GNAZ: variants seen among roughly 807,000 people sequenced by gnomAD.
GNAZ encodes guanine nucleotide-binding protein G(z) subunit alpha.
Under a neutral mutation model 25.4 loss-of-function variants are expected in GNAZ, and 3 were observed. That is an observed-to-expected ratio of 0.12 (90% CI 0.05 to 0.30). GNAZ has a LOEUF of 0.30. GNAZ is among the 10% of genes least tolerant of loss of function. The pLI, the probability that GNAZ is intolerant of heterozygous loss-of-function variation, is 1.00. For missense variants in GNAZ, 241 were observed against 501.8 expected, an observed-to-expected ratio of 0.48 and a Z score of 4.97; for synonymous variants, 211 against 205.7, an observed-to-expected ratio of 1.03 and a Z score of -0.22.
chr22:23,081,397 G>A (rs896810493), intron 1 of GNAZ, among the ~76,000 whole-genome samples: 1 of 152,196 alleles, frequency 6.6e-6, no homozygotes, highest in African/African-American at 2.4e-5. Flanking sequence ...AAGTACACGT[G>A]TGTCATTTCT....
At chr22:23,103,351 G>A (rs772022245) in intron 2 of GNAZ, among the ~76,000 whole-genome samples, 142 of 152,280 alleles carry the variant, frequency 9.3e-4, no homozygotes, top group Non-Finnish European at 1.7e-3. Flanking sequence ...TGACTCCCAA[G>A]CATGGCGGGG....
chr22:23,072,075 G>GC (rs1158809712), intron 1 of GNAZ, among the ~76,000 whole-genome samples: 32 of 152,156 alleles, frequency 2.1e-4, no homozygotes, highest in Non-Finnish European at 4.3e-4. Context: ...CTGGAGAAGA[G>GC]CTAGCTTTAA....
intron 2 of GNAZ, among the ~76,000 whole-genome samples, chr22:23,115,431 G>A (rs1403086510): frequency 6.6e-6 from 1 of 152,192 alleles, no homozygotes; most frequent in Non-Finnish European, 1.5e-5. Context: ...TTTGGGAAGG[G>A]GTTGGACAAG....
At chr22:23,074,242 G>A (rs2068451433) in intron 1 of GNAZ, among the ~76,000 whole-genome samples, 1 of 152,206 alleles carries the variant, frequency 6.6e-6, no homozygotes. Context: ...AAATAGGCTA[G>A]GGTGGGGTAA....
intron 1 of GNAZ, among the ~76,000 whole-genome samples, chr22:23,072,735 G>T (rs941542013): frequency 6.6e-6 from 1 of 152,230 alleles, no homozygotes; most frequent in Non-Finnish European, 1.5e-5. Context: ...GACCTGGCAT[G>T]TGACTGTGGG....
chr22:23,101,308 C>T (rs2069297427), intron 2 of GNAZ, among the ~76,000 whole-genome samples: 1 of 152,120 alleles, frequency 6.6e-6, no homozygotes, highest in South Asian at 2.1e-4. Flanking sequence ...TCCAGTGGCC[C>T]CCCTCTTCAC....
chr22:23,095,626 G>GT lies in GNAZ; in HGVS notation c.-69dup, dbSNP rs149149990. 0.02 allele frequency: 30,358 copies of GT among 1,517,672 alleles called. 336 individuals are homozygous for GT. Among genetic ancestry groups the GT allele is most frequent in the Non-Finnish European group, 0.023 (26,147 of 1,131,664 alleles). The allele number at this position is 1,517,672 out of a possible 1,614,324, so 94.0% of individuals were successfully genotyped here. On this transcript the variant is annotated 5_prime_UTR_variant, in exon 2 of 3. Transcript: ENST00000615612. The stretch of plus-strand genomic sequence containing the variant: ...CTGGGCTCTTGTCTGCCTGGTCTCA[G>GT]TGTCCCCTGTGGCAAGAGGGAGAGG...
chr22:23,099,591 C>T (rs181668974), intron 2 of GNAZ, among the ~76,000 whole-genome samples: 59 of 152,344 alleles, frequency 3.9e-4, no homozygotes, highest in African/African-American at 1.0e-3. Flanking sequence ...ACACAGCTGG[C>T]GCTGGCGGGC....
At position 23,124,880 on chromosome 22, in the gene GNAZ, C is replaced by G. The variant is rs148043323; in HGVS notation, c.*1449C>G. 343 of 152,920 alleles carry G rather than the reference C, an allele frequency of 2.2e-3. 1 individual carries two copies. The highest frequency in any genetic ancestry group is 2.5e-3 in the Non-Finnish European group (173 of 68,302). 9.5% of individuals were successfully genotyped at this position (152,920 alleles called of 1,614,324 possible). On this transcript the variant is annotated 3_prime_UTR_variant, in exon 3 of 3. Transcript: ENST00000615612. ...CACTGCCGGAGCCCTTGCCAGATCT[C>G]CCTCCCTCTCTCCGTGCAGTAGCTG...
At chr22:23,072,313 G>C (rs1417562168) in intron 1 of GNAZ, among the ~76,000 whole-genome samples, 1 of 152,164 alleles carries the variant, frequency 6.6e-6, no homozygotes, top group African/African-American at 2.4e-5. Flanking sequence ...GTGGGGGTGT[G>C]GATGGCCTGG....
chr22:23,112,739 C>G (rs767732615), intron 2 of GNAZ, among the ~76,000 whole-genome samples: 7 of 152,140 alleles, frequency 4.6e-5, no homozygotes, highest in Non-Finnish European at 7.4e-5. Context: ...AATGGGGAGC[C>G]TGGCCAGGAG....
chr22:23,081,230 T>C (rs906123443), intron 1 of GNAZ, among the ~76,000 whole-genome samples: 2 of 152,150 alleles, frequency 1.3e-5, no homozygotes, highest in African/African-American at 4.8e-5. Flanking sequence ...ACCTCACTTG[T>C]GTTGGAAAAA....
At chr22:23,084,865 C>G (rs753105319) in intron 1 of GNAZ, among the ~76,000 whole-genome samples, 1 of 152,212 alleles carries the variant, frequency 6.6e-6, no homozygotes. Context: ...TGCCAGAGGA[C>G]GCACTGTCTG....
chr22:23,072,151 AG>A (rs1232010318), intron 1 of GNAZ, among the ~76,000 whole-genome samples: 1 of 152,194 alleles, frequency 6.6e-6, no homozygotes, highest in Non-Finnish European at 1.5e-5. Flanking sequence ...GGGCACAGCC[AG>A]GGCACTGGGT....
intron 1 of GNAZ, among the ~76,000 whole-genome samples, chr22:23,078,190 G>A (rs945435341): frequency 6.6e-6 from 1 of 152,244 alleles, no homozygotes; most frequent in Non-Finnish European, 1.5e-5. Context: ...GATATGCTGT[G>A]CAAACATATT....
chr22:23,107,012 G>A (rs1161402126), intron 2 of GNAZ, among the ~76,000 whole-genome samples: 1 of 152,298 alleles, frequency 6.6e-6, no homozygotes, highest in Non-Finnish European at 1.5e-5. Flanking sequence ...CGGAAGGCAG[G>A]GAGCAGCACG....
chr22:23,083,053 T>G (rs2068724343), intron 1 of GNAZ, among the ~76,000 whole-genome samples: 1 of 147,148 alleles, frequency 6.8e-6, no homozygotes, highest in South Asian at 2.2e-4. Context: ...GTTGGGAGAG[T>G]GAAGGAGGAG....
rs556800507 is a variant in GNAZ, at chr22:23,117,163, T to C, written c.724-5924T>C. On this transcript the variant is annotated intron_variant, in intron 2 of 2. Coordinates refer to ENST00000615612, the MANE Select transcript of GNAZ (RefSeq NM_002073.4). ...ACCTGTTACCAGGAACGTTGGTAACTGGAAGAGCCTGGTACTTGGGGCTGT... is the reference window on the plus strand; with the variant it reads ...ACCTGTTACCAGGAACGTTGGTAACCGGAAGAGCCTGGTACTTGGGGCTGT... Among the ~76,000 whole-genome samples the C allele has an allele frequency of 4.6e-5, 7 of 152,132 alleles. No individual in the cohort carries two copies. In the South Asian group the frequency reaches 1.5e-3, roughly 32 times the overall value.
intron 1 of GNAZ, among the ~76,000 whole-genome samples, chr22:23,083,882 G>A (rs1274407272): frequency 6.6e-6 from 1 of 152,232 alleles, no homozygotes; most frequent in Non-Finnish European, 1.5e-5. Context: ...TCCTGATGCT[G>A]CAGTAGTCAG....
Sources: gnomAD v4.1 joint callset for allele counts (sites outside exome capture counted in the v4.1 genomes callset) on GRCh38, gnomAD v4.1.1 for gene constraint, MANE v1.5 for transcripts, NCBI Gene and HGNC (gene_info 2026-07-23, HGNC 2026-07-21) for gene names.